GRK2: variants seen among roughly 807,000 people sequenced by gnomAD.
GRK2 encodes adrenergic beta receptor kinase 1.
GRK2 carries 23 observed loss-of-function variants against 97.8 expected under a neutral mutation model. That is an observed-to-expected ratio of 0.24 (90% CI 0.17 to 0.33). The LOEUF is 0.33. GRK2 is among the 10% of genes least tolerant of loss of function. The pLI is 1.00. For missense variants in GRK2, 633 were observed against 956.9 expected, an observed-to-expected ratio of 0.66 and a Z score of 4.47; for synonymous variants, 425 against 381.7, an observed-to-expected ratio of 1.11 and a Z score of -1.32.
chr11:67,281,336 T>C lies in GRK2; in HGVS notation c.648-123T>C. 9.0e-7 allele frequency: 1 copy of C among 1,112,834 alleles called. No individual in the cohort carries two copies. Among genetic ancestry groups the C allele is most frequent in the South Asian group, 1.4e-5 (1 of 73,748 alleles). 68.9% of individuals were successfully genotyped at this position (1,112,834 alleles called of 1,614,324 possible). A position where few individuals can be genotyped will look rare whatever the true frequency, so the allele number is the denominator to read the frequency against. On this transcript the variant is annotated intron_variant, in intron 8 of 20. Coordinates refer to ENST00000308595, the MANE Select transcript of GRK2 (RefSeq NM_001619.5). The surrounding 1 kb of genome is among the most constrained non-coding windows in gnomAD (Gnocchi z 5.7). ...CCGCAGGCTCCTCTGGCCCCAGCCC[T>C]CCCTGTCTCTGATTTGTGTCACACG... is the stretch of plus-strand genomic sequence containing the variant.
Position 67,286,474 on chromosome 11 carries a change from G to A in GRK2, c.*1024G>A, listed in dbSNP as rs568315020. ...CTCCCCTCCCGTCTACTCATTCCCCGGGGCGTTTCTTTGCCGATTTTTGAA... is the reference window on the plus strand; with the variant it reads ...CTCCCCTCCCGTCTACTCATTCCCCAGGGCGTTTCTTTGCCGATTTTTGAA... On this transcript the variant is annotated 3_prime_UTR_variant, in exon 21 of 21. Coordinates refer to ENST00000308595, the MANE Select transcript of GRK2 (RefSeq NM_001619.5). The A allele has an allele frequency of 2.1e-5, 15 of 700,538 alleles. No individual in the cohort carries two copies. Among genetic ancestry groups the A allele is most frequent in the South Asian group, 7.4e-5 (5 of 67,482 alleles). 43.4% of individuals were successfully genotyped at this position (700,538 alleles called of 1,614,324 possible).
At position 67,274,495 on chromosome 11, in the gene GRK2, C is replaced by CTTTTTTTTTTTTTTTTTTTTTT. The variant is rs57767154; in HGVS notation, c.114-2771_114-2750dup. Among the ~76,000 whole-genome samples, 142 of 22,476 alleles carry CTTTTTTTTTTTTTTTTTTTTTT rather than the reference C, an allele frequency of 6.3e-3. 21 individuals are homozygous for CTTTTTTTTTTTTTTTTTTTTTT. Among genetic ancestry groups the CTTTTTTTTTTTTTTTTTTTTTT allele is most frequent in the East Asian group, 0.016 (6 of 372 alleles). 14.7% of individuals were successfully genotyped at this position (22,476 alleles called of 152,430 possible). A position where few individuals can be genotyped will look rare whatever the true frequency, so the allele number is the denominator to read the frequency against. ...TCGCTACCTTCCGCTTGACCAGCAC[C>CTTTTTTTTTTTTTTTTTTTTTT]TTTTTTTTTTTTTTTTTTTTTTTTT... is the stretch of plus-strand genomic sequence containing the variant. On this transcript the variant is annotated intron_variant, in intron 1 of 20. Coordinates refer to ENST00000308595, the MANE Select transcript of GRK2 (RefSeq NM_001619.5).
chr11:67,273,078 G>A (rs1859945547), intron 1 of GRK2, among the ~76,000 whole-genome samples: 1 of 152,218 alleles, frequency 6.6e-6, no homozygotes, highest in African/African-American at 2.4e-5. Flanking sequence ...CTTCTGCCGT[G>A]TCCACCCAGG....
chr11:67,284,351 C>T lies in GRK2; in HGVS notation c.1632C>T (p.Asn544=). Reference sequence around the variant, plus strand: ...TGGAGGCTCGCAAGAAAGCCAAGAACAAGCAGCTGGGCCATGAGGAAGGTG... The same window carrying T: ...TGGAGGCTCGCAAGAAAGCCAAGAATAAGCAGCTGGGCCATGAGGAAGGTG... ...DRLEARKKAK[N]KQLGHEEDYA... Residue 544 remains asparagine (N), a synonymous_variant, in exon 18 of 21, where the codon AAC becomes AAT. Transcript: ENST00000308595. The T allele has an allele frequency of 3.7e-6, 6 of 1,612,880 alleles. No individual in the cohort carries two copies. The highest frequency in any genetic ancestry group is 2.2e-5 in the East Asian group (1 of 44,896).
chr11:67,278,919 C>T (rs905143168), intron 2 of GRK2, among the ~76,000 whole-genome samples: 2 of 152,224 alleles, frequency 1.3e-5, no homozygotes, highest in Admixed American at 1.3e-4. Context: ...GCCAACCCCG[C>T]TCCTCTGCCT....
chr11:67,268,117 C>T (rs1198157800), intron 1 of GRK2, among the ~76,000 whole-genome samples: 2 of 152,234 alleles, frequency 1.3e-5, no homozygotes, highest in African/African-American at 2.4e-5. Flanking sequence ...TCTTCCCTCA[C>T]TGGGCCTCGG....
Position 67,286,529 on chromosome 11 carries a change from A to C in GRK2, c.*1079A>C, listed in dbSNP as rs1297113091. 2 of 701,602 alleles carry C rather than the reference A, an allele frequency of 2.9e-6. No homozygotes were observed. Among genetic ancestry groups the C allele is most frequent in the East Asian group, 2.7e-5 (1 of 37,192 alleles). 43.5% of individuals were successfully genotyped at this position (701,602 alleles called of 1,614,324 possible). A position where few individuals can be genotyped will look rare whatever the true frequency, so the allele number is the denominator to read the frequency against. The stretch of plus-strand genomic sequence containing the variant: ...ATTTTAAAGAGTGAAAAATGAGACT[A>C]TGCGTTTTTATAAAAAATGGTGCCT... On this transcript the variant is annotated 3_prime_UTR_variant, in exon 21 of 21. Coordinates refer to ENST00000308595, the MANE Select transcript of GRK2 (RefSeq NM_001619.5).
chr11:67,266,730 G>A lies in GRK2; in HGVS notation c.31G>A (p.Val11Met). The A allele has an allele frequency of 7.5e-7, 1 of 1,336,920 alleles. No homozygotes were observed. The highest frequency in any genetic ancestry group is 9.7e-7 in the Non-Finnish European group (1 of 1,031,546). 82.8% of individuals were successfully genotyped at this position (1,336,920 alleles called of 1,614,324 possible). A position where few individuals can be genotyped will look rare whatever the true frequency, so the allele number is the denominator to read the frequency against. Residue 11 changes from valine (V) to methionine (M), a missense_variant, in exon 1 of 21, where the codon GTG becomes ATG. By Grantham distance (21) the Val-to-Met change is conservative. Coordinates refer to ENST00000308595, the MANE Select transcript of GRK2 (RefSeq NM_001619.5). The stretch of plus-strand genomic sequence containing the variant: ...GGACCTGGAGGCGGTGCTGGCCGAC[G>A]TGAGCTACCTGATGGCCATGGAGAA... MADLEAVLAD[V>M]SYLMAMEKSK... is the part of the protein sequence containing the mutation.
At chr11:67,284,064 C>A in intron 17 of GRK2, 115 bp downstream of exon 17, 1 of 1,418,098 alleles carries the variant, frequency 7.1e-7, no homozygotes, top group Admixed American at 1.9e-5. Flanking sequence ...GCTTGTAGGC[C>A]TCAGTTCCTC....
In GRK2 at chr11:67,281,424, A is replaced by T. The variant is rs1220426715; in HGVS notation, c.648-35A>T. On this transcript the variant is annotated intron_variant, in intron 8 of 20. Transcript: ENST00000308595. This position sits in a 1 kb window ranked among gnomAD's most constrained non-coding sequence, Gnocchi z 5.7. ...GAGGCAGCCCTGGGCCCCTGCTCTG[A>T]GGGTGGGTGTTGACTGCCGACCTCT... 2 of 1,588,576 alleles carry T rather than the reference A, an allele frequency of 1.3e-6. No homozygotes were observed. Among genetic ancestry groups the T allele is most frequent in the Non-Finnish European group, 1.7e-6 (2 of 1,158,648 alleles).
chr11:67,283,709 C>T lies in GRK2; in HGVS notation c.1331C>T (p.Ala444Val), dbSNP rs1408747889. ...NRRLGCLGRG[A>V]QEVKESPFFR... ...AGATGACTGGCCTCTCCCCACAGGGCTCAGGAGGTGAAAGAGAGCCCCTTT... is the reference window on the plus strand; with the variant it reads ...AGATGACTGGCCTCTCCCCACAGGGTTCAGGAGGTGAAAGAGAGCCCCTTT... The change falls in exon 16 of 21, where the codon GCT becomes GTT. Residue 444 changes from alanine (A) to valine (V), a missense_variant and splice_region_variant. Physicochemically the swap from Ala to Val is moderately conservative, Grantham distance 64. Around this residue, in one of 4 missense-constraint regions of GRK2, gnomAD observed 68 missense variants for 71.0 expected, o/e 0.96. Coordinates refer to ENST00000308595, the MANE Select transcript of GRK2 (RefSeq NM_001619.5). The T allele has an allele frequency of 1.9e-6, 3 of 1,613,290 alleles. No homozygotes were observed. Among genetic ancestry groups the T allele is most frequent in the South Asian group, 2.2e-5 (2 of 91,072 alleles).
intron 15 of GRK2, 21 bp downstream of exon 15, chr11:67,283,249 G>A: frequency 6.2e-7 from 1 of 1,605,250 alleles, no homozygotes; most frequent in Non-Finnish European, 8.5e-7. Context: ...TGGCGCCTTG[G>A]GCATGCTGCT....
intron 1 of GRK2, among the ~76,000 whole-genome samples, chr11:67,275,329 C>T (rs1029783676): frequency 2.0e-5 from 3 of 152,234 alleles, no homozygotes; most frequent in African/African-American, 7.2e-5. Context: ...CAGGTCCGCA[C>T]TGTCTGGAGC....
rs1358703028 is a variant in GRK2, at chr11:67,284,304, A to G, written c.1585A>G (p.Ile529Val). The change falls in exon 18 of 21, where the codon ATC (isoleucine) becomes GTC (valine). Residue 529 changes from isoleucine to valine, a missense_variant. This residue lies in a region of GRK2 where 180 missense variants were observed against 311.3 expected (regional missense o/e 0.58). Coordinates refer to ENST00000308595, the MANE Select transcript of GRK2 (RefSeq NM_001619.5). The part of the protein sequence containing the change: ...QEVAETVFDT[I>V]NAETDRLEAR... ...GGTGGCAGAGACTGTCTTCGACACC[A>G]TCAACGCTGAGACAGACCGGCTGGA... is the stretch of plus-strand genomic sequence containing the variant. The G allele has an allele frequency of 6.2e-7, 1 of 1,613,268 alleles. No individual in the cohort carries two copies. Among genetic ancestry groups the G allele is most frequent in the African/African-American group, 1.3e-5 (1 of 74,936 alleles).
At position 67,279,851 on chromosome 11, in the gene GRK2, G is replaced by A. The variant is rs1197812109; in HGVS notation, c.454G>A (p.Glu152Lys). The change falls in exon 6 of 21, where the codon GAG becomes AAG. Residue 152 changes from glutamate (E) to lysine (K), a missense_variant. Glu to Lys is a moderately conservative substitution (Grantham distance 56, BLOSUM62 1). Transcript: ENST00000308595. ...PPDLFQPYIE[E>K]ICQNLRGDVF... is the part of the protein sequence containing the mutation. ...CTTCCTCCCTTAGCCATACATCGAAGAGATTTGTCAAAACCTCCGAGGGGA... is the reference window on the plus strand; with the variant it reads ...CTTCCTCCCTTAGCCATACATCGAAAAGATTTGTCAAAACCTCCGAGGGGA... 1.2e-6 allele frequency: 2 copies of A among 1,614,070 alleles called. No individual in the cohort carries two copies. The highest frequency in any genetic ancestry group is 3.3e-5 in the Admixed American group (2 of 60,032).
intron 2 of GRK2, 115 bp from the exon 3 acceptor site, chr11:67,279,085 A>G (rs1030338384): frequency 1.2e-6 from 1 of 853,172 alleles, no homozygotes; most frequent in Admixed American, 1.9e-5. Context: ...GGCCGAGACC[A>G]CCTTTGCCAC....
At chr11:67,271,675 C>T (rs1350269789) in intron 1 of GRK2, among the ~76,000 whole-genome samples, 2 of 152,246 alleles carry the variant, frequency 1.3e-5, no homozygotes, top group Non-Finnish European at 2.9e-5. Context: ...GTGGCCGACA[C>T]GACGTTCCGG....
In GRK2 at chr11:67,279,610, C is replaced by T. The variant is rs762044952; in HGVS notation, c.367-16C>T. 2 of 1,613,334 alleles carry T rather than the reference C, an allele frequency of 1.2e-6. No homozygotes were observed. Among genetic ancestry groups the T allele is most frequent in the Non-Finnish European group, 1.7e-6 (2 of 1,179,936 alleles). ...GGACCCTGCTGAGAATTCATGGCCA[C>T]CTCTGTCTTCCCCAGCCCTTCTCGA... On this transcript the variant is annotated splice_polypyrimidine_tract_variant and intron_variant, in intron 4 of 20. Coordinates refer to ENST00000308595, the MANE Select transcript of GRK2 (RefSeq NM_001619.5).
chr11:67,277,746 C>T (rs1369674666), intron 2 of GRK2, among the ~76,000 whole-genome samples: 3 of 152,210 alleles, frequency 2.0e-5, no homozygotes, highest in Non-Finnish European at 4.4e-5. Context: ...ACCCCATGGG[C>T]CCTCTTTGTA....
Sources: allele counts gnomAD v4.1 joint callset (sites outside exome capture counted in the v4.1 genomes callset), GRCh38; gene constraint gnomAD v4.1.1; regional missense constraint gnomAD v4.1.1; non-coding constraint Gnocchi (gnomAD v3.1); transcripts MANE v1.5; gene names NCBI Gene and HGNC (gene_info 2026-07-23, HGNC 2026-07-21).